ZNF804A: variants seen among roughly 807,000 people sequenced by gnomAD.
ZNF804A encodes the protein zinc finger protein 804A.
In ZNF804A, 2 loss-of-function variants were observed where a neutral mutation model predicts 16.5. The ratio of observed to expected loss-of-function variants is 0.12; its 90% CI spans 0.05 to 0.38. The LOEUF is 0.38. ZNF804A is among the 10% of genes least tolerant of loss of function. The probability of loss-of-function intolerance (pLI) is 0.99; values close to 1 mark genes in which losing one functional copy is unlikely to be tolerated. For missense variants in ZNF804A, 1,473 were observed against 1,390.7 expected, an observed-to-expected ratio of 1.06 and a Z score of -0.94; for synonymous variants, 534 against 489.6, an observed-to-expected ratio of 1.09 and a Z score of -1.20.
chr2:184,796,374 A>C (rs1375560889), intron 1 of ZNF804A, among the ~76,000 whole-genome samples: 3 of 151,936 alleles, frequency 2.0e-5, no homozygotes, highest in African/African-American at 7.3e-5. Context: ...TGTTGTCGGT[A>C]ATTTTTCAAT....
intron 2 of ZNF804A, among the ~76,000 whole-genome samples, chr2:184,880,105 G>C (rs2105817315): frequency 6.6e-6 from 1 of 152,146 alleles, no homozygotes; most frequent in African/African-American, 2.4e-5. Context: ...ATTGATCATA[G>C]TTAGATTTTC....
At chr2:184,859,471 A>G (rs1265699612) in intron 1 of ZNF804A, among the ~76,000 whole-genome samples, 3 of 151,690 alleles carry the variant, frequency 2.0e-5, no homozygotes, top group Admixed American at 2.0e-4. Flanking sequence ...TCTTTATTAA[A>G]TGTATTATTT....
chr2:184,692,013 A>G (rs1266099227), intron 1 of ZNF804A, among the ~76,000 whole-genome samples: 2 of 152,204 alleles, frequency 1.3e-5, no homozygotes, highest in African/African-American at 4.8e-5. Flanking sequence ...CTCTTAAAAG[A>G]AAGTTTAACT....
chr2:184,636,525 A>C lies in ZNF804A; in HGVS notation c.111+37455A>C, dbSNP rs367809786. ...TCAACTAGGTGCTTTGGCTAGGACA[A>C]AGCATGTGAGATTGGCTCTAGGGCT... On this transcript the variant is annotated intron_variant, in intron 1 of 3. Transcript: ENST00000302277. 1.6e-4 allele frequency among the ~76,000 whole-genome samples: 21 copies of C among 132,280 alleles called. No individual in the cohort carries two copies. In the East Asian group the frequency reaches 3.6e-3, roughly 23 times the overall value. 86.8% of individuals were successfully genotyped at this position (132,280 alleles called of 152,430 possible). A position where few individuals can be genotyped will look rare whatever the true frequency, so the allele number is the denominator to read the frequency against.
intron 1 of ZNF804A, among the ~76,000 whole-genome samples, chr2:184,628,656 TA>T (rs918836662): frequency 6.6e-6 from 1 of 152,058 alleles, no homozygotes; most frequent in African/African-American, 2.4e-5. Context: ...TCCTTTTTTT[TA>T]AAAAAATACT....
At chr2:184,885,137 A>G (rs1169712412) in intron 2 of ZNF804A, among the ~76,000 whole-genome samples, 2 of 152,108 alleles carry the variant, frequency 1.3e-5, no homozygotes, top group African/African-American at 2.4e-5. Flanking sequence ...AATGAAAACC[A>G]CAGTGAGATA....
chr2:184,796,667 G>A lies in ZNF804A; in HGVS notation c.112-69702G>A, dbSNP rs113417498. Among the ~76,000 whole-genome samples, 1,079 of 151,892 alleles carry A rather than the reference G, an allele frequency of 7.1e-3. 11 individuals carry two copies. Among genetic ancestry groups the A allele is most frequent in the African/African-American group, 0.025 (1,035 of 41,406 alleles). ...TTGGTTATTTCCTTCCTTCTGCTGG[G>A]TTTGGTTTTGGTTTCTTCTTGTTTC... is the stretch of plus-strand genomic sequence containing the variant. On this transcript the variant is annotated intron_variant, in intron 1 of 3. Transcript: ENST00000302277.
At chr2:184,663,284 C>T (rs1004612518) in intron 1 of ZNF804A, among the ~76,000 whole-genome samples, 4 of 152,176 alleles carry the variant, frequency 2.6e-5, no homozygotes, top group African/African-American at 7.2e-5. Flanking sequence ...GCACCCACTT[C>T]GATTTCAGAG....
chr2:184,637,413 G>C (rs1248869660), intron 1 of ZNF804A, among the ~76,000 whole-genome samples: 1 of 152,034 alleles, frequency 6.6e-6, no homozygotes, highest in Non-Finnish European at 1.5e-5. Context: ...GTAAAATCTG[G>C]ATTATTATAT....
chr2:184,756,498 T>C (rs1454053813), intron 1 of ZNF804A, among the ~76,000 whole-genome samples: 1 of 152,186 alleles, frequency 6.6e-6, no homozygotes, highest in South Asian at 2.1e-4. Context: ...TCTTACATTT[T>C]ATGTATAAAT....
At chr2:184,760,236 T>C (rs1036056533) in intron 1 of ZNF804A, among the ~76,000 whole-genome samples, 3 of 152,096 alleles carry the variant, frequency 2.0e-5, no homozygotes, top group Non-Finnish European at 2.9e-5. Flanking sequence ...TTATGCAAAA[T>C]TGAAATCTTA....
intron 1 of ZNF804A, among the ~76,000 whole-genome samples, chr2:184,707,430 T>C (rs1406343209): frequency 6.6e-6 from 1 of 152,112 alleles, no homozygotes; most frequent in East Asian, 1.9e-4. Context: ...AGGTAGATTT[T>C]CAAAGCTTGC....
chr2:184,771,140 A>T (rs1694205206), intron 1 of ZNF804A, among the ~76,000 whole-genome samples: 1 of 152,102 alleles, frequency 6.6e-6, no homozygotes, highest in Admixed American at 6.6e-5. Context: ...GCTGTTGGGC[A>T]CTGGAAACCA....
At chr2:184,788,090 T>C (rs767992020) in intron 1 of ZNF804A, among the ~76,000 whole-genome samples, 2 of 151,986 alleles carry the variant, frequency 1.3e-5, no homozygotes, top group Admixed American at 6.6e-5. Context: ...ATTTATTGAG[T>C]ACGGTGTCAT....
intron 2 of ZNF804A, among the ~76,000 whole-genome samples, chr2:184,882,524 G>A (rs1684824224): frequency 6.6e-6 from 1 of 151,682 alleles, no homozygotes; most frequent in Admixed American, 6.6e-5. Context: ...TTTTCACATG[G>A]CACATACTCA....
At chr2:184,670,587 AT>A (rs1425999005) in intron 1 of ZNF804A, among the ~76,000 whole-genome samples, 1 of 152,004 alleles carries the variant, frequency 6.6e-6, no homozygotes, top group African/African-American at 2.4e-5. Context: ...GACTACATAT[AT>A]TTTTATTTAT....
At chr2:184,813,370 G>C (rs1209697598) in intron 1 of ZNF804A, among the ~76,000 whole-genome samples, 15 of 152,152 alleles carry the variant, frequency 9.9e-5, no homozygotes, top group East Asian at 1.9e-4. Flanking sequence ...ATTTCTGAAT[G>C]GTGAGATAAG....
chr2:184,892,129 T>C (rs1251711862), intron 2 of ZNF804A, among the ~76,000 whole-genome samples: 1 of 152,208 alleles, frequency 6.6e-6, no homozygotes, highest in African/African-American at 2.4e-5. Flanking sequence ...TAATTATTAG[T>C]TTTGAAAACC....
chr2:184,675,156 G>A (rs562029162), intron 1 of ZNF804A, among the ~76,000 whole-genome samples: 5 of 151,920 alleles, frequency 3.3e-5, no homozygotes, highest in East Asian at 3.9e-4. Flanking sequence ...GTAGATGCAT[G>A]TGTATACCTA....
Sources: gnomAD v4.1 joint callset for allele counts (sites outside exome capture counted in the v4.1 genomes callset) on GRCh38, gnomAD v4.1.1 for gene constraint, MANE v1.5 for transcripts, NCBI Gene and HGNC (gene_info 2026-07-23, HGNC 2026-07-21) for gene names.